Variants in ZBTB20 observed in about 807,000 individuals in gnomAD.
ZBTB20 encodes the protein zinc finger and BTB domain-containing protein 20.
ZBTB20 carries 9 observed loss-of-function variants against 56.9 expected under a neutral mutation model. That is an observed-to-expected ratio of 0.16 (90% CI 0.10 to 0.28). The LOEUF (loss-of-function observed/expected upper bound fraction) is 0.28. Among genes scored for constraint, ZBTB20 ranks in the 10% least tolerant of loss-of-function variants. ZBTB20 has a pLI of 1.00. For synonymous variants in ZBTB20, 417 were observed against 420.7 expected, an observed-to-expected ratio of 0.99 and a Z score of 0.11; for missense variants, 655 against 1,003.0, an observed-to-expected ratio of 0.65 and a Z score of 4.69.
chr3:114,535,551 C>T (rs1481793590), intron 6 of ZBTB20, among the ~76,000 whole-genome samples: 1 of 152,170 alleles, frequency 6.6e-6, no homozygotes, highest in Admixed American at 6.5e-5. Flanking sequence ...CAGCTGAATT[C>T]TATCAGAGAT....
At chr3:114,674,054 C>A (rs945119671) in intron 6 of ZBTB20, among the ~76,000 whole-genome samples, 1 of 152,144 alleles carries the variant, frequency 6.6e-6, no homozygotes, top group Admixed American at 6.6e-5. Flanking sequence ...GGTATATAAA[C>A]TCACATGAGC....
chr3:114,353,639 A>G (rs1482261040), intron 10 of ZBTB20, among the ~76,000 whole-genome samples: 2 of 152,176 alleles, frequency 1.3e-5, no homozygotes. Flanking sequence ...GGCACAAATA[A>G]CCCAGGAAGG....
At chr3:115,022,659 C>G (rs1162975382) in intron 2 of ZBTB20, among the ~76,000 whole-genome samples, 1 of 150,964 alleles carries the variant, frequency 6.6e-6, no homozygotes, top group Non-Finnish European at 1.5e-5. Context: ...GCCTCCTCTA[C>G]TCCCTTCAAA....
At chr3:114,805,530 G>C (rs1377540794) in intron 4 of ZBTB20, among the ~76,000 whole-genome samples, 2 of 151,480 alleles carry the variant, frequency 1.3e-5, no homozygotes, top group Non-Finnish European at 3.0e-5. Context: ...GATATCTCGG[G>C]GTATGTTAAC....
chr3:114,812,750 G>C (rs1047195682), intron 4 of ZBTB20, among the ~76,000 whole-genome samples: 1 of 152,158 alleles, frequency 6.6e-6, no homozygotes, highest in Non-Finnish European at 1.5e-5. Context: ...AGCAGAGGGC[G>C]GTGCTCCTAG....
intron 4 of ZBTB20, among the ~76,000 whole-genome samples, chr3:114,819,665 T>C (rs2108911694): frequency 6.6e-6 from 1 of 151,840 alleles, no homozygotes; most frequent in African/African-American, 2.4e-5. Context: ...AGAAACACAA[T>C]TAAAAATATA....
At chr3:114,973,216 A>G (rs1024384091) in intron 3 of ZBTB20, among the ~76,000 whole-genome samples, 1 of 152,164 alleles carries the variant, frequency 6.6e-6, no homozygotes, top group African/African-American at 2.4e-5. Context: ...CCGAGTATTA[A>G]TTTTTCATCA....
intron 8 of ZBTB20, among the ~76,000 whole-genome samples, chr3:114,385,195 T>TAA (rs1481300541): frequency 6.6e-6 from 1 of 152,164 alleles, no homozygotes; most frequent in East Asian, 1.9e-4. Flanking sequence ...TTTAGACCAG[T>TAA]GATGCCTCCC....
intron 6 of ZBTB20, among the ~76,000 whole-genome samples, chr3:114,579,658 A>G (rs1475930912): frequency 6.6e-6 from 1 of 151,528 alleles, no homozygotes; most frequent in African/African-American, 2.4e-5. Context: ...TTTGTAAAGA[A>G]GTAAATGAAA....
chr3:114,481,442 T>C (rs1361023340), intron 7 of ZBTB20, among the ~76,000 whole-genome samples: 1 of 152,090 alleles, frequency 6.6e-6, no homozygotes, highest in East Asian at 1.9e-4. Flanking sequence ...CTCTTGAAAA[T>C]CATTGCATTG....
At chr3:114,595,438 C>T (rs2056230459) in intron 6 of ZBTB20, among the ~76,000 whole-genome samples, 1 of 152,142 alleles carries the variant, frequency 6.6e-6, no homozygotes, top group Non-Finnish European at 1.5e-5. Context: ...CAACAAGTCA[C>T]CTTAAAATCT....
intron 5 of ZBTB20, among the ~76,000 whole-genome samples, chr3:114,704,710 T>C (rs778603434): frequency 1.3e-5 from 2 of 152,120 alleles, no homozygotes; most frequent in Non-Finnish European, 1.5e-5. Context: ...GAATTCTAAC[T>C]CTCTCATTTT....
chr3:114,745,802 T>C (rs1285582630), intron 5 of ZBTB20, among the ~76,000 whole-genome samples: 1 of 152,128 alleles, frequency 6.6e-6, no homozygotes, highest in African/African-American at 2.4e-5. Context: ...ATAATAATAG[T>C]AATAATGATG....
chr3:114,620,179 TAAATGGTTGG>T (rs1180060593), intron 6 of ZBTB20, among the ~76,000 whole-genome samples: 1 of 152,202 alleles, frequency 6.6e-6, no homozygotes, highest in Non-Finnish European at 1.5e-5. Flanking sequence ...GCAATCTTAG[TAAATGGTTGG>T]AAATGCTGTC....
intron 1 of ZBTB20, among the ~76,000 whole-genome samples, chr3:115,099,334 T>A (rs2083493058): frequency 6.6e-6 from 1 of 151,936 alleles, no homozygotes; most frequent in Non-Finnish European, 1.5e-5. Flanking sequence ...CACTCCACCC[T>A]CCCCAAGCAT....
chr3:114,787,358 T>TACAC (rs1195060301), intron 5 of ZBTB20, among the ~76,000 whole-genome samples: 2 of 85,910 alleles, frequency 2.3e-5, no homozygotes, highest in South Asian at 3.6e-4. Context: ...TATATATATA[T>TACAC]ATATATATAT....
rs982417596 is a variant in ZBTB20, at chr3:114,318,100, T to C, written c.*20905A>G. On this transcript the variant is annotated 3_prime_UTR_variant, in exon 12 of 12. Transcript: ENST00000675478. ...CCCTTCCCTCCAGCCAAATGATTTT[T>C]TAAAAAAATCACAGTTTTTAAAAAT... 3 of 152,206 alleles carry C rather than the reference T, an allele frequency of 2.0e-5. No homozygotes were observed. Among genetic ancestry groups the C allele is most frequent in the African/African-American group, 7.2e-5 (3 of 41,446 alleles). The allele number at this position is 152,206 out of a possible 1,614,324, so 9.4% of individuals were successfully genotyped here.
chr3:114,630,953 T>C (rs1229423064), intron 6 of ZBTB20, among the ~76,000 whole-genome samples: 1 of 152,132 alleles, frequency 6.6e-6, no homozygotes, highest in Non-Finnish European at 1.5e-5. Context: ...CATTTACTAA[T>C]AAACCAACTC....
At chr3:115,137,965 A>G (rs1419743166) in intron 1 of ZBTB20, among the ~76,000 whole-genome samples, 1 of 152,086 alleles carries the variant, frequency 6.6e-6, no homozygotes, top group Non-Finnish European at 1.5e-5. Context: ...TGCCAAAAGC[A>G]TAGCAGTCTT....
Sources: allele counts gnomAD v4.1 joint callset (sites outside exome capture counted in the v4.1 genomes callset), GRCh38; gene constraint gnomAD v4.1.1; transcripts MANE v1.5; gene names NCBI Gene and HGNC (gene_info 2026-07-23, HGNC 2026-07-21).